The following MCM8 variants were observed in gnomAD, a reference collection of about 807,000 sequenced individuals.
MCM8 encodes the protein minichromosome maintenance 8 homologous recombination repair factor.
A neutral mutation model predicts 98.9 loss-of-function variants in MCM8; 85 were observed. That is an observed-to-expected ratio of 0.86 (90% CI 0.72 to 1.03). The LOEUF (loss-of-function observed/expected upper bound fraction) is 1.03. Ranked by LOEUF, MCM8 falls within the 50% of genes least tolerant of loss-of-function variation. The pLI is 0.00. For synonymous variants in MCM8, 352 were observed against 338.6 expected (o/e 1.04, Z -0.44); for missense variants, 951 against 997.8 (o/e 0.95, Z 0.63).
At chr20:5,972,530 G>C (rs1241925995) in intron 11 of MCM8, 7 of 317,352 alleles carry the variant, frequency 2.2e-5, no homozygotes, top group Non-Finnish European at 3.1e-5. Flanking sequence ...TTACCAACTA[G>C]AGTAAATATG....
intron 6 of MCM8, 61 bp downstream of exon 6, chr20:5,957,290 T>A: frequency 1.6e-6 from 2 of 1,228,536 alleles, no homozygotes; most frequent in South Asian, 2.7e-5. Context: ...CATTTAAGAA[T>A]GAAAACGCTC....
chr20:5,976,605 A>G lies in MCM8; in HGVS notation c.1396-1271A>G, dbSNP rs150066659. 2.6e-5 allele frequency among the ~76,000 whole-genome samples: 4 copies of G among 152,334 alleles called. No individual in the cohort carries two copies. In the East Asian group the frequency reaches 7.7e-4, roughly 29 times the overall value. On this transcript the variant is annotated intron_variant, in intron 12 of 18. Transcript: ENST00000610722. The stretch of plus-strand genomic sequence containing the variant: ...AGTTCCAGGTACCGGGGCTTAAACT[A>G]TCACAAAGAGATAAATGTAGGGGTT...
intron 12 of MCM8, among the ~76,000 whole-genome samples, chr20:5,973,543 T>C (rs546195417): frequency 6.6e-6 from 1 of 152,330 alleles, no homozygotes; most frequent in East Asian, 1.9e-4. Context: ...TAAAGCAGGG[T>C]CACCTATTCT....
intron 15 of MCM8, among the ~76,000 whole-genome samples, chr20:5,985,547 GTTAT>G (rs1401962756): frequency 2.0e-5 from 3 of 151,562 alleles, no homozygotes; most frequent in Admixed American, 6.6e-5. Flanking sequence ...ATCTAAACAA[GTTAT>G]TTATTTATTC....
At chr20:5,963,976 C>T (rs539866473) in intron 8 of MCM8, among the ~76,000 whole-genome samples, 29 of 152,288 alleles carry the variant, frequency 1.9e-4, no homozygotes, top group South Asian at 6.2e-4. Context: ...ATAAGCAAAG[C>T]TGTGTGCTTC....
intron 10 of MCM8, among the ~76,000 whole-genome samples, 192 bp from the exon 11 acceptor site, chr20:5,971,815 A>T (rs1257920877): frequency 1.3e-5 from 2 of 152,222 alleles, no homozygotes; most frequent in East Asian, 3.8e-4. Context: ...GTTTTTAAAA[A>T]ATTCTAACCT....
chr20:5,972,737 G>A (rs1600275369), intron 11 of MCM8: 2 of 1,313,362 alleles, frequency 1.5e-6, no homozygotes, highest in African/African-American at 1.5e-5. Context: ...GTAAGAAATG[G>A]GCTTTTAAAG....
At chr20:5,985,502 G>C (rs1344822207) in intron 15 of MCM8, among the ~76,000 whole-genome samples, 1 of 151,332 alleles carries the variant, frequency 6.6e-6, no homozygotes, top group African/African-American at 2.4e-5. Context: ...TAAAGTGTTT[G>C]GTTGATTTGG....
At chr20:5,961,121 G>GT (rs1439670197) in intron 7 of MCM8, among the ~76,000 whole-genome samples, 7 of 152,278 alleles carry the variant, frequency 4.6e-5, no homozygotes, top group Admixed American at 6.5e-5. Context: ...TATGCCTGTA[G>GT]TCCCAACTAC....
chr20:5,957,105 G>A (rs754483613), intron 5 of MCM8, 21 bp from the exon 6 acceptor site: 1 of 1,552,310 alleles, frequency 6.4e-7, no homozygotes, highest in Non-Finnish European at 8.8e-7. Context: ...CAACTTCAGA[G>A]TAAATGTCTG....
chr20:5,971,984 A>G (rs773373173), intron 10 of MCM8, 23 bp from the exon 11 acceptor site: 2 of 1,607,130 alleles, frequency 1.2e-6, no homozygotes, highest in African/African-American at 1.3e-5. Context: ...ATTAGAATTT[A>G]TAAGTTGTGT....
rs947591829 is a variant in MCM8 at position 5,993,783 on chromosome 20, A to T, written c.2430+88A>T. The stretch of plus-strand genomic sequence containing the variant: ...GAACAGAAACAGTTTTTACTTATTT[A>T]AAATTCATACCTGCTTCTTCTCAAA... On this transcript the variant is annotated intron_variant, in intron 18 of 18. Coordinates refer to ENST00000610722, the MANE Select transcript of MCM8 (RefSeq NM_032485.6). 3.8e-5 allele frequency: 41 copies of T among 1,087,314 alleles called. No individual in the cohort carries two copies. In the African/African-American group the frequency reaches 5.8e-4, roughly 15 times the overall value. The allele number at this position is 1,087,314 out of a possible 1,614,324, so 67.4% of individuals were successfully genotyped here. A position where few individuals can be genotyped will look rare whatever the true frequency, so the allele number is the denominator to read the frequency against.
intron 7 of MCM8, among the ~76,000 whole-genome samples, chr20:5,960,481 T>C (rs540237486): frequency 1.4e-4 from 21 of 152,322 alleles, no homozygotes; most frequent in African/African-American, 4.8e-4. Flanking sequence ...TTATACATTC[T>C]AGATACTAAT....
In MCM8 at chr20:5,958,544, C is replaced by A; in HGVS notation, c.607C>A (p.Pro203Thr). 6.2e-7 allele frequency: 1 copy of A among 1,613,958 alleles called. No individual in the cohort carries two copies. Among genetic ancestry groups the A allele is most frequent in the Non-Finnish European group, 8.5e-7 (1 of 1,179,894 alleles). Residue 203 changes from proline to threonine, a missense_variant, in exon 7 of 19, where the codon CCT becomes ACT. Pro to Thr is a conservative substitution (Grantham distance 38). Transcript: ENST00000610722. Reference protein sequence around the residue: ...HIHARVYNYEPLTQLKNVRAN... With the variant: ...HIHARVYNYETLTQLKNVRAN... The stretch of plus-strand genomic sequence containing the variant: ...TGTCTTTAGGGTGTACAACTATGAG[C>A]CTTTGACACAGCTCAAGAATGTCAG...
chr20:5,955,412 C>T (rs1276340214), intron 5 of MCM8, among the ~76,000 whole-genome samples, 161 bp downstream of exon 5: 1 of 152,204 alleles, frequency 6.6e-6, no homozygotes, highest in East Asian at 1.9e-4. Context: ...TGAGAGGTTG[C>T]AGTTCCGTTC....
chr20:5,952,744 A>G (rs1380212623), intron 3 of MCM8, among the ~76,000 whole-genome samples: 3 of 152,216 alleles, frequency 2.0e-5, no homozygotes, highest in African/African-American at 7.2e-5. Flanking sequence ...CAAAAAGGGG[A>G]CTTAATACAA....
At chr20:5,977,764 C>T (rs950821194) in intron 12 of MCM8, 112 bp from the exon 13 acceptor site, 1 of 1,137,762 alleles carries the variant, frequency 8.8e-7, no homozygotes, top group African/African-American at 1.6e-5. Context: ...ACCTTGTACA[C>T]TAAAGCTCTT....
chr20:5,959,026 T>G lies in MCM8; in HGVS notation c.789+300T>G, dbSNP rs145626271. On this transcript the variant is annotated intron_variant, in intron 7 of 18. Coordinates refer to ENST00000610722, the MANE Select transcript of MCM8 (RefSeq NM_032485.6). ...CTATACCATTCCCAGGGATGATCAT[T>G]ATCCTGAAGTTATTATAATATGCAT... Among the ~76,000 whole-genome samples the G allele has an allele frequency of 7.1e-3, 1,080 of 152,312 alleles. 12 individuals carry two copies. The highest frequency in any genetic ancestry group is 0.024 in the African/African-American group (996 of 41,570).
At chr20:5,986,364 T>C (rs1191888609) in intron 16 of MCM8, among the ~76,000 whole-genome samples, 1 of 152,254 alleles carries the variant, frequency 6.6e-6, no homozygotes, top group Non-Finnish European at 1.5e-5. Flanking sequence ...ACTTTTCTTT[T>C]GTTTTTCTTT....
Sources: allele counts gnomAD v4.1 joint callset (sites outside exome capture counted in the v4.1 genomes callset), GRCh38; gene constraint gnomAD v4.1.1; transcripts MANE v1.5; gene names NCBI Gene and HGNC (gene_info 2026-07-23, HGNC 2026-07-21).